Variants in PDE10A observed in about 807,000 individuals in gnomAD.
The protein encoded by PDE10A is cAMP and cAMP-inhibited cGMP 3',5'-cyclic phosphodiesterase 10A.
A neutral mutation model predicts 97.7 loss-of-function variants in PDE10A; 39 were observed. The observed-to-expected ratio is 0.40, with a 90% CI of 0.31 to 0.52. The LOEUF is 0.52. PDE10A is among the 20% of genes least tolerant of loss of function. PDE10A has a pLI of 0.56. For missense variants in PDE10A, 731 were observed against 1,047.8 expected (o/e 0.70, Z 4.17); for synonymous variants, 371 against 376.8 (o/e 0.98, Z 0.18).
chr6:165,796,091 CTTT>C (rs1168771487), intron 1 of PDE10A, among the ~76,000 whole-genome samples: 4 of 108,796 alleles, frequency 3.7e-5, no homozygotes, highest in African/African-American at 1.1e-4. Flanking sequence ...TTTTTCTTTT[CTTT>C]TTTTTTTTTT....
chr6:165,898,135 A>T (rs1469457647), intron 1 of PDE10A, among the ~76,000 whole-genome samples: 4 of 151,810 alleles, frequency 2.6e-5, no homozygotes, highest in African/African-American at 9.7e-5. Context: ...TCTGCCAGAA[A>T]TGGGAGTCCA....
At chr6:165,349,158 G>C (rs536570187) in intron 18 of PDE10A, among the ~76,000 whole-genome samples, 1 of 152,292 alleles carries the variant, frequency 6.6e-6, no homozygotes, top group Non-Finnish European at 1.5e-5. Flanking sequence ...GGCTCAGAAG[G>C]CAGGAAAATA....
At chr6:165,555,115 A>G (rs1784189074) in intron 1 of PDE10A, among the ~76,000 whole-genome samples, 1 of 152,170 alleles carries the variant, frequency 6.6e-6, no homozygotes, top group African/African-American at 2.4e-5. Context: ...ATACCACATT[A>G]GGGTGACTAT....
At chr6:165,552,338 A>G (rs761120062) in intron 1 of PDE10A, among the ~76,000 whole-genome samples, 1 of 152,210 alleles carries the variant, frequency 6.6e-6, no homozygotes, top group East Asian at 1.9e-4. Context: ...GGCTGCTTGC[A>G]AGGTCAGCCC....
chr6:165,773,936 CT>C (rs35422736), intron 1 of PDE10A, among the ~76,000 whole-genome samples: 3,194 of 148,306 alleles, frequency 0.022, 109 homozygotes, highest in African/African-American at 0.069. Context: ...AGTATTTCAA[CT>C]TTTTTTTTTT....
At chr6:165,581,680 C>T (rs899484339) in intron 1 of PDE10A, among the ~76,000 whole-genome samples, 5 of 152,236 alleles carry the variant, frequency 3.3e-5, no homozygotes, top group African/African-American at 1.2e-4. Flanking sequence ...AACAATTTCT[C>T]ATCATGTGTT....
At chr6:165,909,591 G>T (rs939727467) in intron 1 of PDE10A, among the ~76,000 whole-genome samples, 2 of 152,206 alleles carry the variant, frequency 1.3e-5, no homozygotes, top group Non-Finnish European at 2.9e-5. Flanking sequence ...GATGTAACTG[G>T]CTGCCCCATT....
chr6:165,896,754 G>A (rs1781961195), intron 1 of PDE10A, among the ~76,000 whole-genome samples: 1 of 152,050 alleles, frequency 6.6e-6, no homozygotes, highest in African/African-American at 2.4e-5. Flanking sequence ...TCGACCTCCT[G>A]ACCTCGTGAT....
intron 3 of PDE10A, among the ~76,000 whole-genome samples, chr6:165,452,073 C>T (rs1248302216): frequency 6.6e-5 from 10 of 152,160 alleles, no homozygotes; most frequent in Non-Finnish European, 1.0e-4. Context: ...TAGGGATGCC[C>T]CCCTTCACCA....
At chr6:165,566,072 T>C (rs1784763035) in intron 1 of PDE10A, among the ~76,000 whole-genome samples, 1 of 152,122 alleles carries the variant, frequency 6.6e-6, no homozygotes. Context: ...AAAGAAAGAA[T>C]TGATAAGTTG....
At chr6:165,814,677 T>G (rs1779363227) in intron 1 of PDE10A, among the ~76,000 whole-genome samples, 1 of 152,166 alleles carries the variant, frequency 6.6e-6, no homozygotes, top group African/African-American at 2.4e-5. Flanking sequence ...ATTCCTCAAT[T>G]TGGTGTTCCT....
At chr6:165,905,249 G>T (rs545844545) in intron 1 of PDE10A, among the ~76,000 whole-genome samples, 1 of 152,078 alleles carries the variant, frequency 6.6e-6, no homozygotes, top group Non-Finnish European at 1.5e-5. Flanking sequence ...AAATATTGGA[G>T]AAATGAAATT....
chr6:165,361,034 T>G (rs969712822), intron 18 of PDE10A, among the ~76,000 whole-genome samples: 5 of 152,194 alleles, frequency 3.3e-5, no homozygotes, highest in Admixed American at 3.3e-4. Context: ...AGCCAGACAT[T>G]TATCAAATAG....
intron 1 of PDE10A, among the ~76,000 whole-genome samples, chr6:165,710,385 C>T (rs1265995443): frequency 2.0e-5 from 3 of 152,206 alleles, no homozygotes; most frequent in African/African-American, 7.2e-5. Flanking sequence ...AAACGGAGCC[C>T]TCCACTGGCC....
At chr6:165,924,233 T>G (rs1162419514) in intron 1 of PDE10A, among the ~76,000 whole-genome samples, 1 of 152,188 alleles carries the variant, frequency 6.6e-6, no homozygotes, top group African/African-American at 2.4e-5. Flanking sequence ...GTGGCTTACA[T>G]ATTGGATAGA....
chr6:165,712,698 G>A (rs1562699089), intron 1 of PDE10A, among the ~76,000 whole-genome samples: 2 of 144,610 alleles, frequency 1.4e-5, no homozygotes, highest in Admixed American at 7.1e-5. Flanking sequence ...GGAGTGCAGC[G>A]GCGCGATCTC....
At chr6:165,967,126 G>C (rs1784533861) in intron 1 of PDE10A, among the ~76,000 whole-genome samples, 1 of 152,144 alleles carries the variant, frequency 6.6e-6, no homozygotes, top group African/African-American at 2.4e-5. Flanking sequence ...AGATGCCCTG[G>C]GCTTTGATTC....
chr6:165,831,478 C>CTTTTTTTTTTTTTT (rs200237321), intron 1 of PDE10A, among the ~76,000 whole-genome samples: 3 of 133,834 alleles, frequency 2.2e-5, no homozygotes, highest in African/African-American at 2.9e-5. Flanking sequence ...TTGCAGGAGT[C>CTTTTTTTTTTTTTT]TTTTTTTTTT....
At chr6:165,758,550 AAGAAGAGGAAGAGGAAG>A (rs1793176460) in intron 1 of PDE10A, among the ~76,000 whole-genome samples, 4 of 116,892 alleles carry the variant, frequency 3.4e-5, no homozygotes, top group African/African-American at 1.1e-4. Flanking sequence ...GAAGAGGAAG[AAGAAGAGGAAGAGGAAG>A]AAGAAGAGGA....
Sources: allele counts gnomAD v4.1 joint callset (sites outside exome capture counted in the v4.1 genomes callset), GRCh38; gene constraint gnomAD v4.1.1; transcripts MANE v1.5; gene names NCBI Gene and HGNC (gene_info 2026-07-23, HGNC 2026-07-21).